Variants in MTMR7 observed in about 807,000 individuals in gnomAD.
The protein encoded by MTMR7 is phosphatidylinositol-3-phosphate phosphatase MTMR7.
A neutral mutation model predicts 81.2 loss-of-function variants in MTMR7; 76 were observed. The observed-to-expected ratio is 0.94, with a 90% CI of 0.78 to 1.13. The LOEUF (loss-of-function observed/expected upper bound fraction) is 1.13, where lower values mean the gene tolerates loss of function less well. Among genes scored for constraint, MTMR7 ranks in the 50% most tolerant of loss-of-function variants. The pLI, the probability that MTMR7 is intolerant of heterozygous loss-of-function variation, is 0.00. For synonymous variants in MTMR7, 372 were observed against 289.8 expected, an observed-to-expected ratio of 1.28 and a Z score of -2.88; for missense variants, 1,044 against 820.0, an observed-to-expected ratio of 1.27 and a Z score of -3.34.
chr8:17,351,435 C>T (rs574763504), intron 4 of MTMR7, among the ~76,000 whole-genome samples: 85 of 152,358 alleles, frequency 5.6e-4, no homozygotes, highest in Non-Finnish European at 1.1e-3. Flanking sequence ...CAGAGGCCCA[C>T]TCTCCTTGGC....
At chr8:17,364,088 G>A (rs1195871675) in intron 3 of MTMR7, among the ~76,000 whole-genome samples, 1 of 139,070 alleles carries the variant, frequency 7.2e-6, no homozygotes, top group Non-Finnish European at 1.5e-5. Context: ...GGAGTGCAGT[G>A]GCGCGATCTC....
chr8:17,385,498 A>T (rs1229910163), intron 1 of MTMR7, among the ~76,000 whole-genome samples: 1 of 152,160 alleles, frequency 6.6e-6, no homozygotes, highest in Non-Finnish European at 1.5e-5. Context: ...CTTGCCCACC[A>T]CCACGTAAGA....
rs553548630 is a variant in MTMR7, at chr8:17,347,057, C to T, written c.597+1896G>A. 8.6e-5 allele frequency among the ~76,000 whole-genome samples: 13 copies of T among 151,784 alleles called. No homozygotes were observed. The East Asian group carries it at 1.9e-3, about 23-fold the overall frequency. On this transcript the variant is annotated intron_variant, in intron 5 of 13. Coordinates refer to ENST00000180173, the MANE Select transcript of MTMR7 (RefSeq NM_004686.5). ...AAAAATGCAAAACAATTAGCTGGGCCGGGTGGCACACGCGTGGTCCCAGTG... is the reference window on the plus strand; with the variant it reads ...AAAAATGCAAAACAATTAGCTGGGCTGGGTGGCACACGCGTGGTCCCAGTG...
At chr8:17,383,564 G>A (rs1820828829) in intron 1 of MTMR7, among the ~76,000 whole-genome samples, 1 of 152,278 alleles carries the variant, frequency 6.6e-6, no homozygotes, top group East Asian at 1.9e-4. Context: ...CTTCAGTCTG[G>A]GTCTAATATT....
intron 1 of MTMR7, among the ~76,000 whole-genome samples, chr8:17,387,123 G>T (rs913093929): frequency 2.6e-5 from 4 of 152,172 alleles, no homozygotes; most frequent in Non-Finnish European, 1.5e-5. Context: ...TCATATGATA[G>T]ATATCACTGA....
chr8:17,413,229 C>A (rs1188861447), intron 1 of MTMR7, 40 bp downstream of exon 1: 8 of 1,545,288 alleles, frequency 5.2e-6, no homozygotes, highest in Non-Finnish European at 7.0e-6. Context: ...CCTCCCCCAT[C>A]TCCTCCCGTC....
chr8:17,327,703 C>T lies in MTMR7; in HGVS notation c.865+3447G>A, dbSNP rs76823090. 5.0e-3 allele frequency among the ~76,000 whole-genome samples: 760 copies of T among 151,858 alleles called. 3 individuals are homozygous for T. The highest frequency in any genetic ancestry group is 0.014 in the African/African-American group (561 of 41,516). ...TCTGTCTAAGCCAATTTAAATAATA[C>T]GATAAATATTTAGAGCACTAGTTTT... On this transcript the variant is annotated intron_variant, in intron 7 of 13. Coordinates refer to ENST00000180173, the MANE Select transcript of MTMR7 (RefSeq NM_004686.5).
intron 6 of MTMR7, among the ~76,000 whole-genome samples, chr8:17,337,596 T>C (rs1372615172): frequency 1.3e-5 from 2 of 152,190 alleles, no homozygotes; most frequent in Non-Finnish European, 2.9e-5. Flanking sequence ...GCTTGAAGAC[T>C]TCATTGACTT....
intron 6 of MTMR7, among the ~76,000 whole-genome samples, chr8:17,339,628 C>T (rs1179763331): frequency 6.6e-6 from 1 of 152,162 alleles, no homozygotes; most frequent in East Asian, 1.9e-4. Context: ...AATGGACATA[C>T]CATATTTTGT....
At chr8:17,370,915 G>T in intron 3 of MTMR7, 122 bp downstream of exon 3, 1 of 1,014,358 alleles carries the variant, frequency 9.9e-7, no homozygotes, top group Non-Finnish European at 1.4e-6. Flanking sequence ...CCTCTCCTGA[G>T]AACGAGACTG....
chr8:17,330,760 G>T (rs1294432103), intron 7 of MTMR7, among the ~76,000 whole-genome samples: 1 of 152,168 alleles, frequency 6.6e-6, no homozygotes, highest in Non-Finnish European at 1.5e-5. Context: ...TGGCCATTCA[G>T]CAAGGATCAG....
chr8:17,338,204 T>C (rs76517266), intron 6 of MTMR7, among the ~76,000 whole-genome samples: 9,334 of 152,312 alleles, frequency 0.061, 912 homozygotes, highest in African/African-American at 0.2. Context: ...CAGTTTTCTT[T>C]AATGGATCAG....
Position 17,300,320 on chromosome 8 carries a change from TATA to T in MTMR7, c.1621-99_1621-97del. 1.2e-5 allele frequency: 15 copies of T among 1,296,680 alleles called. No homozygotes were observed. The South Asian group carries it at 2.0e-4, about 17-fold the overall frequency. The allele number at this position is 1,296,680 out of a possible 1,614,324, so 80.3% of individuals were successfully genotyped here. A position where few individuals can be genotyped will look rare whatever the true frequency, so the allele number is the denominator to read the frequency against. On this transcript the variant is annotated intron_variant, in intron 13 of 13. Transcript: ENST00000180173. Reference sequence around the variant, plus strand: ...TAGCATTTGTTACCTCCCACGTGGGTATAATGTTAAGAACATGTGACTCAGAGG... The same window carrying T: ...TAGCATTTGTTACCTCCCACGTGGGTATGTTAAGAACATGTGACTCAGAGG...
At chr8:17,401,939 G>T (rs980813980) in intron 1 of MTMR7, among the ~76,000 whole-genome samples, 15 of 152,042 alleles carry the variant, frequency 9.9e-5, no homozygotes, top group Non-Finnish European at 2.1e-4. Context: ...TTATCTTAAG[G>T]AACTATGGAA....
intron 4 of MTMR7, among the ~76,000 whole-genome samples, chr8:17,351,643 T>G (rs1586233652): frequency 6.6e-6 from 1 of 152,222 alleles, no homozygotes; most frequent in South Asian, 2.1e-4. Flanking sequence ...CTCCCCTCTA[T>G]GAACACAATA....
rs371545101 is a variant in MTMR7, at chr8:17,354,603, C to T, written c.469-5522G>A. Among the ~76,000 whole-genome samples the T allele has an allele frequency of 3.7e-3, 559 of 152,260 alleles. 4 individuals are homozygous for T. Among genetic ancestry groups the T allele is most frequent in the South Asian group, 0.023 (111 of 4,828 alleles). On this transcript the variant is annotated intron_variant, in intron 4 of 13. Transcript: ENST00000180173. ...TCTAGAATCTAAGTTTTGTATTCTA[C>T]GTCTGCTGTTATTTCCACCATCGAC...
intron 6 of MTMR7, among the ~76,000 whole-genome samples, chr8:17,335,176 G>A (rs146606912): frequency 1.5e-4 from 23 of 152,276 alleles, no homozygotes; most frequent in South Asian, 4.2e-4. Flanking sequence ...GGATGGGCAC[G>A]GAAAACCTCA....
chr8:17,308,362 G>C (rs1817600946), intron 10 of MTMR7, among the ~76,000 whole-genome samples: 1 of 151,998 alleles, frequency 6.6e-6, no homozygotes, highest in African/African-American at 2.4e-5. Flanking sequence ...TTATCTAATT[G>C]GGGGCTTTAA....
At chr8:17,341,949 A>G (rs1357741834) in intron 5 of MTMR7, among the ~76,000 whole-genome samples, 1 of 152,128 alleles carries the variant, frequency 6.6e-6, no homozygotes, top group East Asian at 1.9e-4. Context: ...CCCATCTAGA[A>G]ACATCACAAA....
Sources: allele counts gnomAD v4.1 joint callset (sites outside exome capture counted in the v4.1 genomes callset), GRCh38; gene constraint gnomAD v4.1.1; transcripts MANE v1.5; gene names NCBI Gene and HGNC (gene_info 2026-07-23, HGNC 2026-07-21).